CCNT2: variants seen among roughly 807,000 people sequenced by gnomAD.
CCNT2 encodes cyclin-T2.
A neutral mutation model predicts 70.0 loss-of-function variants in CCNT2; 18 were observed. The ratio of observed to expected loss-of-function variants is 0.26; its 90% CI spans 0.18 to 0.38. CCNT2 has a LOEUF of 0.38. Among genes scored for constraint, CCNT2 ranks in the 10% least tolerant of loss-of-function variants. The pLI is 1.00. For synonymous variants in CCNT2, 334 were observed against 313.3 expected (o/e 1.07, Z -0.70); for missense variants, 734 against 890.2 (o/e 0.82, Z 2.23).
chr2:134,922,266 T>C (rs1489589695), intron 2 of CCNT2, among the ~76,000 whole-genome samples: 1 of 152,240 alleles, frequency 6.6e-6, no homozygotes, highest in African/African-American at 2.4e-5. Context: ...TAAGTTAAGA[T>C]GCTAGTGACA....
At chr2:134,935,987 G>GT (rs1484687483) in intron 2 of CCNT2, among the ~76,000 whole-genome samples, 1 of 151,800 alleles carries the variant, frequency 6.6e-6, no homozygotes, top group Non-Finnish European at 1.5e-5. Flanking sequence ...CCTCTAGGTG[G>GT]TTTTTCTGTT....
rs1222703117 is a variant in CCNT2 at position 134,958,441 on chromosome 2, C to G, written c.*3793C>G. On this transcript the variant is annotated 3_prime_UTR_variant, in exon 9 of 9. Transcript: ENST00000264157. Reference sequence around the variant, plus strand: ...AGATGAGGGATCAACAAATCTCACACTTAAACTAAATGAGTTGACAGGACA... The same window carrying G: ...AGATGAGGGATCAACAAATCTCACAGTTAAACTAAATGAGTTGACAGGACA... 2 of 152,144 alleles carry G rather than the reference C, an allele frequency of 1.3e-5. No individual in the cohort carries two copies. The highest frequency in any genetic ancestry group is 4.8e-5 in the African/African-American group (2 of 41,422). 9.4% of individuals were successfully genotyped at this position (152,144 alleles called of 1,614,324 possible).
intron 2 of CCNT2, chr2:134,920,126 C>T (rs1455786533): frequency 2.6e-6 from 1 of 385,890 alleles, no homozygotes; most frequent in Non-Finnish European, 4.7e-6. Context: ...AAAAGAAAAA[C>T]ATTTATTTCT....
Position 134,958,208 on chromosome 2 carries a change from G to A in CCNT2, c.*3560G>A, listed in dbSNP as rs891877578. On this transcript the variant is annotated 3_prime_UTR_variant, in exon 9 of 9. Coordinates refer to ENST00000264157, the MANE Select transcript of CCNT2 (RefSeq NM_058241.3). ...ATGGGGACTTTTTTAACATGGTAAC[G>A]TCTTAGGAAAACCATTCTCTCAAGG... 13 of 152,282 alleles carry A rather than the reference G, an allele frequency of 8.5e-5. No homozygotes were observed. Among genetic ancestry groups the A allele is most frequent in the African/African-American group, 2.6e-4 (11 of 41,570 alleles). 9.4% of individuals were successfully genotyped at this position (152,282 alleles called of 1,614,324 possible).
intron 5 of CCNT2, chr2:134,943,606 A>T (rs1187262513): frequency 1.5e-5 from 15 of 984,736 alleles, no homozygotes; most frequent in East Asian, 2.3e-4. Flanking sequence ...AGTACTTTTT[A>T]AAAATATTGC....
rs1559119233 is a variant in CCNT2 at position 134,954,629 on chromosome 2, CCCAAGGAATGAA to C, written c.2176_2187del (p.Gln726_Asn729del). The C allele has an allele frequency of 6.2e-7, 1 of 1,601,318 alleles. No individual in the cohort carries two copies. The highest frequency in any genetic ancestry group is 8.6e-7 in the Non-Finnish European group (1 of 1,169,408). ...GACATGCTGGACTCACTGTTAAGTG[CCCAAGGAATGAA>C]CATGTAATAATTTGTTTAGGTCAAT... On this transcript the variant is annotated inframe_deletion, in exon 9 of 9. Transcript: ENST00000264157.
At chr2:134,929,912 A>C (rs1254216811) in intron 2 of CCNT2, among the ~76,000 whole-genome samples, 1 of 151,786 alleles carries the variant, frequency 6.6e-6, no homozygotes, top group African/African-American at 2.4e-5. Flanking sequence ...TGGCCTCCCA[A>C]AGTGCTGGGA....
rs201062703 is a variant in CCNT2, at chr2:134,947,751, C to T, written c.555C>T (p.Thr185=). 6.7e-7 allele frequency: 1 copy of T among 1,500,616 alleles called. No individual in the cohort carries two copies. Among genetic ancestry groups the T allele is most frequent in the East Asian group, 2.3e-5 (1 of 42,968 alleles). 93.0% of individuals were successfully genotyped at this position (1,500,616 alleles called of 1,614,324 possible). Residue 185 remains threonine, a synonymous_variant, in exon 7 of 9, where the codon ACC becomes ACT. Coordinates refer to ENST00000264157, the MANE Select transcript of CCNT2 (RefSeq NM_058241.3). The part of the protein sequence containing the change: ...FMATNSLHLT[T]FCLQYKPTVI... ...TCTGCAACAGTCTGCATCTTACAAC[C>T]TTCTGTCTTCAGTACAAACCAACAG... is the stretch of plus-strand genomic sequence containing the variant.
chr2:134,957,531 T>G lies in CCNT2; in HGVS notation c.*2883T>G, dbSNP rs1284832095. 1 of 152,210 alleles carries G rather than the reference T, an allele frequency of 6.6e-6. No individual in the cohort carries two copies. The highest frequency in any genetic ancestry group is 2.4e-5 in the African/African-American group (1 of 41,464). The allele number at this position is 152,210 out of a possible 1,614,324, so 9.4% of individuals were successfully genotyped here. A position where few individuals can be genotyped will look rare whatever the true frequency, so the allele number is the denominator to read the frequency against. On this transcript the variant is annotated 3_prime_UTR_variant, in exon 9 of 9. Transcript: ENST00000264157. ...TCCATTCAGTTTTCCAATATTGAGC[T>G]GTGTCCCTCTGAATATTTGCCTTAG...
intron 3 of CCNT2, among the ~76,000 whole-genome samples, chr2:134,937,200 T>G (rs543421872): frequency 6.6e-6 from 1 of 152,360 alleles, no homozygotes; most frequent in East Asian, 1.9e-4. Flanking sequence ...AGGTGCTTTG[T>G]TGATTCAAAG....
At chr2:134,936,297 C>T (rs1400623452) in intron 2 of CCNT2, among the ~76,000 whole-genome samples, 3 of 151,718 alleles carry the variant, frequency 2.0e-5, no homozygotes, top group Non-Finnish European at 1.5e-5. Context: ...TTTCCCTTTT[C>T]CCCTTTGTTC....
At position 134,946,045 on chromosome 2, in the gene CCNT2, G is replaced by T. The variant is rs1681936413; in HGVS notation, c.494-56G>T. Reference sequence around the variant, plus strand: ...GTTTTTGTTGTGTTGAGAACTTTTTGATTGTAGCACGTTAAGGCTGATAGT... The same window carrying T: ...GTTTTTGTTGTGTTGAGAACTTTTTTATTGTAGCACGTTAAGGCTGATAGT... On this transcript the variant is annotated intron_variant, in intron 5 of 8. Transcript: ENST00000264157. 7 of 1,606,568 alleles carry T rather than the reference G, an allele frequency of 4.4e-6. No individual in the cohort carries two copies. The Admixed American group carries it at 5.1e-5, about 12-fold the overall frequency.
In CCNT2 at chr2:134,928,274, C is replaced by CTTTTTTTTT. The variant is rs551173090; in HGVS notation, c.240+8394_240+8402dup. ...CCATGCCCGGCCTCACATTGTATTT[C>CTTTTTTTTT]TTTTTTTTTTTTTTTTTTTCTGAGA... On this transcript the variant is annotated intron_variant, in intron 2 of 8. Transcript: ENST00000264157. Among the ~76,000 whole-genome samples, 468 of 96,360 alleles carry CTTTTTTTTT rather than the reference C, an allele frequency of 4.9e-3. 20 individuals carry two copies. The highest frequency in any genetic ancestry group is 0.015 in the African/African-American group (371 of 25,038). The allele number at this position is 96,360 out of a possible 152,430, so 63.2% of individuals were successfully genotyped here.
chr2:134,942,536 A>G lies in CCNT2; in HGVS notation c.431-76A>G, dbSNP rs1215527833. The stretch of plus-strand genomic sequence containing the variant: ...GATTTTTCTTAATAATGAAGAATAT[A>G]TTATACGTTTATGGCATTTCTCAGG... On this transcript the variant is annotated intron_variant, in intron 4 of 8. Transcript: ENST00000264157. The G allele has an allele frequency of 2.7e-5, 25 of 924,890 alleles. No individual in the cohort carries two copies. The Admixed American group carries it at 6.2e-4, about 23-fold the overall frequency. The allele number at this position is 924,890 out of a possible 1,614,324, so 57.3% of individuals were successfully genotyped here. A position where few individuals can be genotyped will look rare whatever the true frequency, so the allele number is the denominator to read the frequency against.
intron 7 of CCNT2, among the ~76,000 whole-genome samples, chr2:134,948,283 T>C (rs1682150172): frequency 6.6e-6 from 1 of 152,210 alleles, no homozygotes; most frequent in Non-Finnish European, 1.5e-5. Flanking sequence ...GGCACTGCTC[T>C]ACTCCAGCCT....
intron 2 of CCNT2, among the ~76,000 whole-genome samples, chr2:134,922,490 C>G (rs1017218679): frequency 3.9e-5 from 6 of 152,124 alleles, no homozygotes; most frequent in East Asian, 1.9e-4. Flanking sequence ...TCATTGAGTT[C>G]TTTTGTCAGT....
Position 134,936,929 on chromosome 2 carries a change from G to C in CCNT2, c.329G>C (p.Cys110Ser). 1.2e-6 allele frequency: 2 copies of C among 1,610,778 alleles called. No individual in the cohort carries two copies. Among genetic ancestry groups the C allele is most frequent in the Non-Finnish European group, 1.7e-6 (2 of 1,177,068 alleles). The change falls in exon 3 of 9, where the codon TGT becomes TCT. Residue 110 changes from cysteine to serine, a missense_variant. Cys to Ser is a moderately radical substitution (Grantham distance 112, BLOSUM62 -1). Coordinates refer to ENST00000264157, the MANE Select transcript of CCNT2 (RefSeq NM_058241.3). ...CATGTTATCAAAGTAGCACATGCTT[G>C]TCTTCATCCTCTAGAGCCACTGCTG... ...LEHVIKVAHA[C>S]LHPLEPLLDT... is the part of the protein sequence containing the mutation.
intron 2 of CCNT2, among the ~76,000 whole-genome samples, chr2:134,929,893 C>T (rs547464448): frequency 9.9e-5 from 15 of 151,686 alleles, no homozygotes; most frequent in East Asian, 5.9e-4. Context: ...TCAAGTGATC[C>T]GCCTGGCTTG....
intron 1 of CCNT2, among the ~76,000 whole-genome samples, chr2:134,919,341 T>G (rs980792064): frequency 5.3e-5 from 8 of 152,144 alleles, no homozygotes; most frequent in Non-Finnish European, 1.0e-4. Context: ...CCTGGACTTG[T>G]CCCTGACCCC....
Sources: gnomAD v4.1 joint callset for allele counts (sites outside exome capture counted in the v4.1 genomes callset) on GRCh38, gnomAD v4.1.1 for gene constraint, MANE v1.5 for transcripts, NCBI Gene and HGNC (gene_info 2026-07-23, HGNC 2026-07-21) for gene names.